The following LDLRAD3 variants were observed in gnomAD, a reference collection of about 807,000 sequenced individuals.
LDLRAD3 encodes the protein low-density lipoprotein receptor class A domain-containing protein 3.
In LDLRAD3, 20 loss-of-function variants were observed where a neutral mutation model predicts 29.4. That is an observed-to-expected ratio of 0.68 (90% confidence interval 0.48 to 0.99). LDLRAD3 has a LOEUF of 0.99. Ranked by LOEUF, LDLRAD3 falls within the 50% of genes least tolerant of loss-of-function variation. The pLI, the probability that LDLRAD3 is intolerant of heterozygous loss-of-function variation, is 0.00. For missense variants in LDLRAD3, 420 were observed against 454.3 expected (o/e 0.92, Z 0.69); for synonymous variants, 157 against 192.7 (o/e 0.81, Z 1.53).
At chr11:36,199,067 A>C (rs1452227380) in intron 4 of LDLRAD3, among the ~76,000 whole-genome samples, 1 of 151,900 alleles carries the variant, frequency 6.6e-6, no homozygotes, top group Non-Finnish European at 1.5e-5. Context: ...CGCCCGGCTA[A>C]TTTTTTATAT....
chr11:36,078,757 T>C (rs1853060362), intron 2 of LDLRAD3, among the ~76,000 whole-genome samples: 2 of 152,168 alleles, frequency 1.3e-5, no homozygotes, highest in African/African-American at 4.8e-5. Flanking sequence ...TGCCCCTCTC[T>C]GCCTGCCTCT....
intron 4 of LDLRAD3, among the ~76,000 whole-genome samples, chr11:36,204,708 T>C (rs1855181387): frequency 6.6e-6 from 1 of 152,138 alleles, no homozygotes; most frequent in African/African-American, 2.4e-5. Context: ...AGGCTGGTCT[T>C]GAACTCCTGA....
chr11:36,092,332 ATG>A (rs563400261), intron 3 of LDLRAD3, among the ~76,000 whole-genome samples: 4 of 152,140 alleles, frequency 2.6e-5, no homozygotes, highest in Non-Finnish European at 4.4e-5. Context: ...ATGCATATAT[ATG>A]GGGTACAGGA....
chr11:36,144,119 C>T (rs902129869), intron 4 of LDLRAD3, among the ~76,000 whole-genome samples: 4 of 152,106 alleles, frequency 2.6e-5, no homozygotes, highest in Admixed American at 2.0e-4. Context: ...TTGGTGGAGA[C>T]GGGGTTTCGC....
chr11:36,122,140 A>G (rs1347405582), intron 4 of LDLRAD3, among the ~76,000 whole-genome samples: 5 of 152,138 alleles, frequency 3.3e-5, no homozygotes, highest in Admixed American at 6.6e-5. Context: ...GACACAATCC[A>G]TGCACCTTAG....
In LDLRAD3 at chr11:36,119,361, C is replaced by T. The variant is rs375715527; in HGVS notation, c.454+20900C>T. Among the ~76,000 whole-genome samples the T allele has an allele frequency of 3.9e-5, 6 of 152,228 alleles. No individual in the cohort carries two copies. In the South Asian group the frequency reaches 8.3e-4, roughly 21 times the overall value. On this transcript the variant is annotated intron_variant, in intron 4 of 5. Coordinates refer to ENST00000315571, the MANE Select transcript of LDLRAD3 (RefSeq NM_174902.4). ...GGAATTGTTGGGTTATGTGGGAACT[C>T]TGTTTTAACTCTGAGGAACTGCTTT...
At chr11:36,164,213 A>G (rs892383798) in intron 4 of LDLRAD3, among the ~76,000 whole-genome samples, 3 of 152,178 alleles carry the variant, frequency 2.0e-5, no homozygotes, top group Non-Finnish European at 2.9e-5. Flanking sequence ...GAAAATTGTT[A>G]AGATGTCTTA....
chr11:36,002,880 C>T (rs1851841403), intron 1 of LDLRAD3, among the ~76,000 whole-genome samples: 1 of 152,218 alleles, frequency 6.6e-6, no homozygotes, highest in South Asian at 2.1e-4. Context: ...AGGCATCCTA[C>T]AAATGGAATA....
chr11:35,979,479 G>A (rs1322365814), intron 1 of LDLRAD3, among the ~76,000 whole-genome samples: 1 of 152,188 alleles, frequency 6.6e-6, no homozygotes, highest in Non-Finnish European at 1.5e-5. Context: ...CTGAGTTGCA[G>A]TTGTGTTGTA....
intron 4 of LDLRAD3, among the ~76,000 whole-genome samples, chr11:36,116,844 C>CTTTTTTTTTTTTT (rs58819693): frequency 7.3e-6 from 1 of 136,986 alleles, no homozygotes; most frequent in African/African-American, 2.7e-5. Flanking sequence ...TTCTTTTTTT[C>CTTTTTTTTTTTTT]TTTTTTTTTT....
At chr11:36,122,496 C>T (rs1853773669) in intron 4 of LDLRAD3, among the ~76,000 whole-genome samples, 1 of 152,160 alleles carries the variant, frequency 6.6e-6, no homozygotes, top group Non-Finnish European at 1.5e-5. Flanking sequence ...AGGCTTGGCA[C>T]ATGGTAGGAC....
chr11:36,153,751 A>T (rs1854308126), intron 4 of LDLRAD3, among the ~76,000 whole-genome samples: 1 of 152,040 alleles, frequency 6.6e-6, no homozygotes, highest in South Asian at 2.1e-4. Context: ...AGCTATGTGC[A>T]TATTTATTTG....
At chr11:36,076,395 T>A (rs923172121) in intron 2 of LDLRAD3, among the ~76,000 whole-genome samples, 5 of 100,734 alleles carry the variant, frequency 5.0e-5, no homozygotes, top group African/African-American at 1.7e-4. Flanking sequence ...TCTCACTGTC[T>A]TTTTTTTTTT....
At chr11:35,949,463 A>G (rs1232940295) in intron 1 of LDLRAD3, among the ~76,000 whole-genome samples, 1 of 152,044 alleles carries the variant, frequency 6.6e-6, no homozygotes, top group Non-Finnish European at 1.5e-5. Context: ...CAGAGTAGGT[A>G]TTGTTCTTCT....
At chr11:36,049,803 G>A (rs1852503121) in intron 2 of LDLRAD3, among the ~76,000 whole-genome samples, 1 of 152,218 alleles carries the variant, frequency 6.6e-6, no homozygotes, top group Admixed American at 6.5e-5. Context: ...TCACTTGCAT[G>A]TACCTGAGTT....
chr11:36,205,206 G>A (rs186532684), intron 4 of LDLRAD3, among the ~76,000 whole-genome samples: 6 of 152,296 alleles, frequency 3.9e-5, no homozygotes, highest in Admixed American at 2.0e-4. Flanking sequence ...TGTGTTCTCC[G>A]TGGGGCCGGG....
intron 4 of LDLRAD3, among the ~76,000 whole-genome samples, chr11:36,207,597 C>T (rs1477002827): frequency 6.6e-6 from 1 of 152,040 alleles, no homozygotes; most frequent in East Asian, 1.9e-4. Context: ...CTGCAGTAAG[C>T]CATGATTGTG....
chr11:36,197,142 T>C (rs977710642), intron 4 of LDLRAD3: 1 of 152,200 alleles, frequency 6.6e-6, no homozygotes, highest in Non-Finnish European at 1.5e-5. Context: ...GGCATTTTTC[T>C]TCAGAGTCAA....
chr11:36,209,845 A>G (rs1427306090), intron 4 of LDLRAD3, among the ~76,000 whole-genome samples: 2 of 152,248 alleles, frequency 1.3e-5, no homozygotes, highest in Non-Finnish European at 2.9e-5. Flanking sequence ...GGGTGTAACC[A>G]TGCATGTTAA....
Sources: allele counts gnomAD v4.1 joint callset (sites outside exome capture counted in the v4.1 genomes callset), GRCh38; gene constraint gnomAD v4.1.1; transcripts MANE v1.5; gene names NCBI Gene and HGNC (gene_info 2026-07-23, HGNC 2026-07-21).